ABLIM2: variants seen among roughly 807,000 people sequenced by gnomAD.
The protein encoded by ABLIM2 is actin binding LIM protein family member 2.
In ABLIM2, 53 loss-of-function variants were observed where a neutral mutation model predicts 97.7. The ratio of observed to expected loss-of-function variants is 0.54; its 90% CI spans 0.44 to 0.68. The LOEUF (loss-of-function observed/expected upper bound fraction) is 0.68, where lower values mean the gene tolerates loss of function less well. Among genes scored for constraint, ABLIM2 ranks in the 30% least tolerant of loss-of-function variants. The pLI is 0.00. For missense variants in ABLIM2, 835 were observed against 867.2 expected, an observed-to-expected ratio of 0.96 and a Z score of 0.47; for synonymous variants, 361 against 345.8, an observed-to-expected ratio of 1.04 and a Z score of -0.49.
chr4:8,026,984 G>A (rs951188603), intron 12 of ABLIM2, among the ~76,000 whole-genome samples: 4 of 152,070 alleles, frequency 2.6e-5, no homozygotes, highest in Admixed American at 2.6e-4. Context: ...CTGAGTGTGT[G>A]TCTGCAGTGG....
At chr4:8,118,216 G>T (rs1843653498) in intron 1 of ABLIM2, among the ~76,000 whole-genome samples, 1 of 152,184 alleles carries the variant, frequency 6.6e-6, no homozygotes. Context: ...CACACGCCAG[G>T]GCTTAGGGAT....
intron 1 of ABLIM2, among the ~76,000 whole-genome samples, chr4:8,152,846 G>C (rs1009663787): frequency 1.3e-5 from 2 of 152,202 alleles, no homozygotes; most frequent in Admixed American, 1.3e-4. Context: ...CCAAGACTCT[G>C]GGGAGGGGCA....
At chr4:7,991,612 T>C (rs748394193) in intron 17 of ABLIM2, among the ~76,000 whole-genome samples, 3 of 152,118 alleles carry the variant, frequency 2.0e-5, no homozygotes, top group Non-Finnish European at 4.4e-5. Flanking sequence ...AGATGAAAAA[T>C]GGAGAATTCC....
In ABLIM2 at chr4:8,001,901, C is replaced by T. The variant is rs1281509384; in HGVS notation, c.1618+6158G>A. Among the ~76,000 whole-genome samples the T allele has an allele frequency of 2.0e-5, 3 of 152,220 alleles. No homozygotes were observed. The highest frequency in any genetic ancestry group is 7.2e-5 in the African/African-American group (3 of 41,460). ...CCCCGATGGCACCTTCCCACCTGCCCGCTTGTCAGCACACACATGTGCGTG... is the reference window on the plus strand; with the variant it reads ...CCCCGATGGCACCTTCCCACCTGCCTGCTTGTCAGCACACACATGTGCGTG... On this transcript the variant is annotated intron_variant, in intron 16 of 20. Coordinates refer to ENST00000447017, the MANE Select transcript of ABLIM2 (RefSeq NM_001130083.2). The surrounding 1 kb of genome is among the most constrained non-coding windows in gnomAD (Gnocchi z 4.2).
In ABLIM2 at chr4:8,147,085, C is replaced by T. The variant is rs765628366; in HGVS notation, c.10+11595G>A. The stretch of plus-strand genomic sequence containing the variant: ...TTCATGTCTGTGTTTCAGAGGCTTT[C>T]TTCAGAAGAGATTCCCAGAAGTCGC... On this transcript the variant is annotated intron_variant, in intron 1 of 20. Coordinates refer to ENST00000447017, the MANE Select transcript of ABLIM2 (RefSeq NM_001130083.2). The surrounding 1 kb of genome is among the most constrained non-coding windows in gnomAD (Gnocchi z 5.3). Among the ~76,000 whole-genome samples, 3 of 152,188 alleles carry T rather than the reference C, an allele frequency of 2.0e-5. No individual in the cohort carries two copies. The highest frequency in any genetic ancestry group is 2.9e-5 in the Non-Finnish European group (2 of 68,030).
Position 8,158,724 on chromosome 4 carries a change from C to T in ABLIM2, c.-35G>A. The stretch of plus-strand genomic sequence containing the variant: ...CGCTCGGAGTCGGGGCGGCCCGGCG[C>T]TGCGACAGCCAGACCCTCGGGCCCG... On this transcript the variant is annotated 5_prime_UTR_variant, in exon 1 of 21. Coordinates refer to ENST00000447017, the MANE Select transcript of ABLIM2 (RefSeq NM_001130083.2). The T allele has an allele frequency of 2.1e-6, 3 of 1,430,428 alleles. No homozygotes were observed. The highest frequency in any genetic ancestry group is 2.7e-6 in the Non-Finnish European group (3 of 1,091,426). The allele number at this position is 1,430,428 out of a possible 1,614,324, so 88.6% of individuals were successfully genotyped here. A position where few individuals can be genotyped will look rare whatever the true frequency, so the allele number is the denominator to read the frequency against.
intron 7 of ABLIM2, among the ~76,000 whole-genome samples, chr4:8,055,048 G>C (rs1258923570): frequency 6.9e-6 from 1 of 144,632 alleles, no homozygotes; most frequent in African/African-American, 2.5e-5. Flanking sequence ...CTTTGTTTTT[G>C]TTTTTTTTTT....
intron 18 of ABLIM2, 98 bp from the exon 19 acceptor site, chr4:7,983,652 C>A: frequency 7.0e-7 from 1 of 1,437,904 alleles, no homozygotes; most frequent in Non-Finnish European, 9.6e-7. Context: ...CCCCTGTCTC[C>A]CCCCTGCAGT....
At chr4:8,041,037 C>G (rs1054519076) in intron 9 of ABLIM2, among the ~76,000 whole-genome samples, 1 of 152,186 alleles carries the variant, frequency 6.6e-6, no homozygotes, top group South Asian at 2.1e-4. Context: ...AGCCGGGAGA[C>G]TGGATTAATT....
intron 1 of ABLIM2, among the ~76,000 whole-genome samples, chr4:8,133,531 A>T (rs1234070944): frequency 6.6e-6 from 1 of 152,068 alleles, no homozygotes; most frequent in East Asian, 1.9e-4. Flanking sequence ...AGTCTCCAGC[A>T]CACAGTGTCC....
chr4:8,047,353 G>T (rs1325687477), intron 8 of ABLIM2, among the ~76,000 whole-genome samples: 4 of 117,598 alleles, frequency 3.4e-5, no homozygotes, highest in African/African-American at 1.1e-4. Flanking sequence ...CGCTGCCACC[G>T]CCTCTTCCTC....
chr4:8,107,534 C>G (rs1328535178), intron 1 of ABLIM2, among the ~76,000 whole-genome samples: 1 of 152,174 alleles, frequency 6.6e-6, no homozygotes, highest in Non-Finnish European at 1.5e-5. Context: ...GGCACAGAGC[C>G]AGCCACACAG....
In ABLIM2 at chr4:8,128,248, G is replaced by A. The variant is rs909767899; in HGVS notation, c.11-21611C>T. On this transcript the variant is annotated intron_variant, in intron 1 of 20. Coordinates refer to ENST00000447017, the MANE Select transcript of ABLIM2 (RefSeq NM_001130083.2). This position sits in a 1 kb window ranked among gnomAD's most constrained non-coding sequence, Gnocchi z 4.9. ...ACACCAGTCACTGCATTTGGGGTCC[G>A]CCCTCATCCACAATGACCTCATCTC... Among the ~76,000 whole-genome samples, 7 of 152,110 alleles carry A rather than the reference G, an allele frequency of 4.6e-5. No individual in the cohort carries two copies. Among genetic ancestry groups the A allele is most frequent in the East Asian group, 3.9e-4 (2 of 5,184 alleles).
rs541588838 is a variant in ABLIM2 at position 7,973,055 on chromosome 4, G to C, written c.1825-5952C>G. ...CAGTTCAAGAAACCACAGGACTCCA[G>C]CAATGAGCTGCTCCCCTTGCTGTGT... On this transcript the variant is annotated intron_variant, in intron 20 of 20. Transcript: ENST00000447017. Among the ~76,000 whole-genome samples, 17 of 149,510 alleles carry C rather than the reference G, an allele frequency of 1.1e-4. No homozygotes were observed. The East Asian group carries it at 3.4e-3, about 30-fold the overall frequency.
Position 8,107,837 on chromosome 4 carries a change from G to T in ABLIM2, c.11-1200C>A, listed in dbSNP as rs536266692. 7.9e-5 allele frequency among the ~76,000 whole-genome samples: 12 copies of T among 152,282 alleles called. No individual in the cohort carries two copies. The South Asian group carries it at 2.5e-3, about 32-fold the overall frequency. On this transcript the variant is annotated intron_variant, in intron 1 of 20. Coordinates refer to ENST00000447017, the MANE Select transcript of ABLIM2 (RefSeq NM_001130083.2). The stretch of plus-strand genomic sequence containing the variant: ...TCTAGCTGAGCCCAACATCATCACG[G>T]GGGCCTTAAAATCAGATCATTATGC...
chr4:8,074,006 G>C (rs550409740), intron 6 of ABLIM2, among the ~76,000 whole-genome samples: 2 of 140,908 alleles, frequency 1.4e-5, no homozygotes, highest in East Asian at 4.6e-4. Flanking sequence ...AGAATGGCTT[G>C]AACCCAGGAG....
intron 1 of ABLIM2, among the ~76,000 whole-genome samples, chr4:8,134,247 C>T (rs1849853527): frequency 6.6e-6 from 1 of 152,224 alleles, no homozygotes; most frequent in Non-Finnish European, 1.5e-5. Context: ...AGCTCTCAGG[C>T]AGCCCCAGGG....
At chr4:8,089,140 G>A (rs1168151739) in intron 3 of ABLIM2, among the ~76,000 whole-genome samples, 2 of 152,230 alleles carry the variant, frequency 1.3e-5, no homozygotes, top group African/African-American at 4.8e-5. Flanking sequence ...CGCAGCAAGT[G>A]CCTGGAGTGA....
At chr4:8,092,768 G>C (rs1258282224) in intron 3 of ABLIM2, among the ~76,000 whole-genome samples, 1 of 152,094 alleles carries the variant, frequency 6.6e-6, no homozygotes, top group East Asian at 1.9e-4. Context: ...CTCAACCTTG[G>C]CTAAATAAAC....
Sources: allele counts gnomAD v4.1 joint callset (sites outside exome capture counted in the v4.1 genomes callset), GRCh38; gene constraint gnomAD v4.1.1; non-coding constraint Gnocchi (gnomAD v3.1); transcripts MANE v1.5; gene names NCBI Gene and HGNC (gene_info 2026-07-23, HGNC 2026-07-21).